The following TLK1 variants were observed in gnomAD, a reference collection of about 807,000 sequenced individuals.
The protein encoded by TLK1 is serine/threonine-protein kinase tousled-like 1.
Under a neutral mutation model 105.3 loss-of-function variants are expected in TLK1, and 24 were observed. The ratio of observed to expected loss-of-function variants is 0.23; its 90% CI spans 0.17 to 0.32. The LOEUF (loss-of-function observed/expected upper bound fraction) is 0.32, where lower values mean the gene tolerates loss of function less well. Ranked by LOEUF, TLK1 falls within the 10% of genes least tolerant of loss-of-function variation. The pLI is 1.00. For missense variants in TLK1, 558 were observed against 910.5 expected (o/e 0.61, Z 4.98); for synonymous variants, 321 against 310.4 (o/e 1.03, Z -0.36).
At chr2:171,039,111 T>C (rs1686523924) in intron 11 of TLK1, among the ~76,000 whole-genome samples, 2 of 152,194 alleles carry the variant, frequency 1.3e-5, no homozygotes, top group African/African-American at 4.8e-5. Flanking sequence ...TATGTCTGAT[T>C]TAATATAGCT....
At chr2:171,171,946 A>G (rs1692737600) in intron 1 of TLK1, among the ~76,000 whole-genome samples, 1 of 152,220 alleles carries the variant, frequency 6.6e-6, no homozygotes, top group Non-Finnish European at 1.5e-5. Context: ...TGCGTTACAT[A>G]TATTCATCAA....
chr2:171,192,532 T>C (rs1274815014), intron 1 of TLK1, among the ~76,000 whole-genome samples: 1 of 151,920 alleles, frequency 6.6e-6, no homozygotes, highest in Non-Finnish European at 1.5e-5. Context: ...AAAAAAAAAT[T>C]AGCCGGGCAT....
intron 3 of TLK1, among the ~76,000 whole-genome samples, chr2:171,075,317 A>G (rs1459711536): frequency 6.6e-6 from 1 of 152,200 alleles, no homozygotes; most frequent in Non-Finnish European, 1.5e-5. Context: ...TTTAAAATTA[A>G]TAACTCGAAA....
intron 1 of TLK1, among the ~76,000 whole-genome samples, chr2:171,126,780 T>C (rs1317808938): frequency 6.6e-6 from 1 of 151,888 alleles, no homozygotes; most frequent in Non-Finnish European, 1.5e-5. Flanking sequence ...ATATTACACT[T>C]GATAAGCTGA....
At chr2:171,141,263 A>G (rs1691562323) in intron 1 of TLK1, among the ~76,000 whole-genome samples, 1 of 152,220 alleles carries the variant, frequency 6.6e-6, no homozygotes, top group Admixed American at 6.5e-5. Flanking sequence ...AGAACTTTCT[A>G]TTCTATTGAT....
rs1024786094 is a variant in TLK1, at chr2:170,992,086, C to CTGAT, written c.*1690_*1693dup. The CTGAT allele has an allele frequency of 1.3e-5, 2 of 152,086 alleles. No individual in the cohort carries two copies. Among genetic ancestry groups the CTGAT allele is most frequent in the African/African-American group, 4.8e-5 (2 of 41,418 alleles). 9.4% of individuals were successfully genotyped at this position (152,086 alleles called of 1,614,324 possible). A position where few individuals can be genotyped will look rare whatever the true frequency, so the allele number is the denominator to read the frequency against. On this transcript the variant is annotated 3_prime_UTR_variant, in exon 21 of 21. Transcript: ENST00000431350. ...AAGTATACTTAAGGAATTTATTCAG[C>CTGAT]TGATTTTTAAGTGAAGGAGCTCAGT...
At chr2:171,048,905 GAGTAGCATATTT>G (rs1687090549) in intron 10 of TLK1, among the ~76,000 whole-genome samples, 1 of 152,166 alleles carries the variant, frequency 6.6e-6, no homozygotes, top group African/African-American at 2.4e-5. Flanking sequence ...ACCAAAAACG[GAGTAGCATATTT>G]AGCACTCCTT....
At chr2:171,156,825 G>A (rs572635162) in intron 1 of TLK1, among the ~76,000 whole-genome samples, 5 of 152,208 alleles carry the variant, frequency 3.3e-5, no homozygotes, top group African/African-American at 9.6e-5. Context: ...CAGTTTAATC[G>A]AACTATCATG....
intron 1 of TLK1, among the ~76,000 whole-genome samples, chr2:171,147,030 T>C (rs1056298966): frequency 2.0e-5 from 3 of 152,230 alleles, no homozygotes; most frequent in Non-Finnish European, 2.9e-5. Context: ...CACCTTGATA[T>C]AGCTTATCTC....
chr2:171,049,237 C>T (rs535542520), intron 10 of TLK1, among the ~76,000 whole-genome samples: 1 of 152,084 alleles, frequency 6.6e-6, no homozygotes, highest in Admixed American at 6.5e-5. Flanking sequence ...AAGCAATATA[C>T]CCCTGTAACA....
chr2:171,146,281 GC>G (rs1405253135), intron 1 of TLK1, among the ~76,000 whole-genome samples: 1 of 151,338 alleles, frequency 6.6e-6, no homozygotes, highest in African/African-American at 2.4e-5. Context: ...CTATGATTGC[GC>G]CACTATACTC....
At chr2:171,066,785 A>C (rs1688018137) in intron 3 of TLK1, 1 of 1,522,116 alleles carries the variant, frequency 6.6e-7, no homozygotes, top group African/African-American at 1.4e-5. Flanking sequence ...TTATTTGTTA[A>C]ACAGTATATA....
chr2:171,178,739 C>T (rs1396503244), intron 1 of TLK1, among the ~76,000 whole-genome samples: 1 of 152,092 alleles, frequency 6.6e-6, no homozygotes, highest in Non-Finnish European at 1.5e-5. Context: ...ATATATATTG[C>T]TCTTATTCTT....
At chr2:171,118,901 T>TGGAA (rs1445702823) in intron 1 of TLK1, among the ~76,000 whole-genome samples, 1 of 152,202 alleles carries the variant, frequency 6.6e-6, no homozygotes, top group Non-Finnish European at 1.5e-5. Flanking sequence ...GACAGAGGAC[T>TGGAA]AGATGGATGG....
chr2:171,217,347 T>C (rs1447575881), intron 1 of TLK1, among the ~76,000 whole-genome samples: 4 of 152,170 alleles, frequency 2.6e-5, no homozygotes, highest in Non-Finnish European at 5.9e-5. Flanking sequence ...ACAGGTAACT[T>C]GGGAGGTATT....
chr2:171,225,122 T>TA (rs57638437), intron 1 of TLK1, among the ~76,000 whole-genome samples: 12 of 135,996 alleles, frequency 8.8e-5, no homozygotes, highest in African/African-American at 1.4e-4. Flanking sequence ...CAGGTAATGA[T>TA]AAAAAAAATA....
chr2:171,066,471 C>T (rs1687997292), intron 3 of TLK1, among the ~76,000 whole-genome samples: 2 of 152,178 alleles, frequency 1.3e-5, no homozygotes, highest in South Asian at 4.1e-4. Flanking sequence ...CCACCTCATA[C>T]ATTTTTGTAA....
intron 2 of TLK1, among the ~76,000 whole-genome samples, chr2:171,103,391 C>T (rs1412965760): frequency 6.6e-6 from 1 of 151,738 alleles, no homozygotes; most frequent in African/African-American, 2.4e-5. Flanking sequence ...AATTCTCCTG[C>T]CTCGGATTCC....
At chr2:171,177,854 C>G (rs1692858550) in intron 1 of TLK1, among the ~76,000 whole-genome samples, 1 of 152,092 alleles carries the variant, frequency 6.6e-6, no homozygotes, top group African/African-American at 2.4e-5. Context: ...AGTGAAATGG[C>G]GTGATCTTGG....
Sources: gnomAD v4.1 joint callset for allele counts (sites outside exome capture counted in the v4.1 genomes callset) on GRCh38, gnomAD v4.1.1 for gene constraint, MANE v1.5 for transcripts, NCBI Gene and HGNC (gene_info 2026-07-23, HGNC 2026-07-21) for gene names.